PARD3: variants seen among roughly 807,000 people sequenced by gnomAD.
PARD3 encodes the protein par-3 family cell polarity regulator, also known as partitioning defective 3 homolog.
PARD3 carries 75 observed loss-of-function variants against 155.4 expected under a neutral mutation model. That is an observed-to-expected ratio of 0.48 (90% confidence interval 0.40 to 0.58). PARD3 has a LOEUF of 0.58. PARD3 is among the 20% of genes least tolerant of loss of function. The pLI is 0.00. For synonymous variants in PARD3, 576 were observed against 610.5 expected, an observed-to-expected ratio of 0.94 and a Z score of 0.83; for missense variants, 1,642 against 1,721.7, an observed-to-expected ratio of 0.95 and a Z score of 0.82.
intron 1 of PARD3, among the ~76,000 whole-genome samples, chr10:34,804,023 T>A (rs535294543): frequency 1.0e-4 from 15 of 143,810 alleles, no homozygotes; most frequent in Admixed American, 5.7e-4. Flanking sequence ...GGGATCTACT[T>A]GATTTGTTTT....
At chr10:34,352,493 G>A (rs1429670436) in intron 14 of PARD3, among the ~76,000 whole-genome samples, 2 of 152,332 alleles carry the variant, frequency 1.3e-5, no homozygotes, top group African/African-American at 2.4e-5. Flanking sequence ...TTGCAGGCAC[G>A]CGCCGCCACG....
chr10:34,150,192 CCAGTGCTGACCA>C (rs1948712382), intron 22 of PARD3, among the ~76,000 whole-genome samples: 1 of 152,108 alleles, frequency 6.6e-6, no homozygotes, highest in African/African-American at 2.4e-5. Context: ...AACATCTAAT[CCAGTGCTGACCA>C]CAGAAGAGGC....
chr10:34,430,483 T>C (rs2075846379), intron 5 of PARD3, among the ~76,000 whole-genome samples: 1 of 152,146 alleles, frequency 6.6e-6, no homozygotes, highest in South Asian at 2.1e-4. Flanking sequence ...AGAAGAAAAA[T>C]AAATTTTATA....
intron 1 of PARD3, among the ~76,000 whole-genome samples, chr10:34,779,260 C>A (rs952707618): frequency 2.0e-5 from 3 of 151,874 alleles, no homozygotes; most frequent in African/African-American, 7.3e-5. Flanking sequence ...GAGCCAAGAT[C>A]ATGCCACTGC....
intron 2 of PARD3, among the ~76,000 whole-genome samples, chr10:34,555,013 G>A (rs2084876252): frequency 6.6e-6 from 1 of 152,214 alleles, no homozygotes; most frequent in Non-Finnish European, 1.5e-5. Flanking sequence ...TTTTAGGACA[G>A]TGAAACTATA....
At chr10:34,267,716 T>C (rs994672155) in intron 22 of PARD3, among the ~76,000 whole-genome samples, 1 of 152,190 alleles carries the variant, frequency 6.6e-6, no homozygotes, top group African/African-American at 2.4e-5. Context: ...ATGGATGCTA[T>C]GGATGAAGTA....
chr10:34,381,176 TG>T (rs1841782968), intron 9 of PARD3, among the ~76,000 whole-genome samples: 1 of 152,278 alleles, frequency 6.6e-6, no homozygotes, highest in African/African-American at 2.4e-5. Context: ...TTTACAACCT[TG>T]TAAATGCTAC....
At chr10:34,678,867 T>C (rs1247570901) in intron 2 of PARD3, among the ~76,000 whole-genome samples, 2 of 151,582 alleles carry the variant, frequency 1.3e-5, no homozygotes, top group Non-Finnish European at 2.9e-5. Flanking sequence ...CAACCTGCCT[T>C]TTGCTGACTT....
Position 34,673,990 on chromosome 10 carries a change from AAAAAAAAC to A in PARD3, c.222+22320_222+22327del, listed in dbSNP as rs1407893021. ...ACAGAGCGAGAGTCTGCATCAAAAA[AAAAAAAAC>A]AAACAAACAGGAGGAGAGTTCTAAT... On this transcript the variant is annotated intron_variant, in intron 2 of 24. Transcript: ENST00000374788. Among the ~76,000 whole-genome samples the A allele has an allele frequency of 3.3e-5, 5 of 151,828 alleles. No individual in the cohort carries two copies. In the East Asian group the frequency reaches 9.7e-4, roughly 29 times the overall value.
At chr10:34,325,201 G>C (rs1199152232) in intron 19 of PARD3, among the ~76,000 whole-genome samples, 1 of 151,980 alleles carries the variant, frequency 6.6e-6, no homozygotes, top group East Asian at 1.9e-4. Context: ...GTAGAGATGG[G>C]GTCTCGCCAT....
chr10:34,804,646 A>C (rs1160691454), intron 1 of PARD3, among the ~76,000 whole-genome samples: 1 of 152,248 alleles, frequency 6.6e-6, no homozygotes, highest in Non-Finnish European at 1.5e-5. Context: ...TTGTGGTATA[A>C]GAAAATACGT....
chr10:34,690,502 A>C (rs76200555), intron 2 of PARD3, among the ~76,000 whole-genome samples: 2,630 of 152,250 alleles, frequency 0.017, 38 homozygotes, highest in Middle Eastern at 0.048. Context: ...ATAACCCTTC[A>C]GGCCTTACTA....
intron 5 of PARD3, among the ~76,000 whole-genome samples, chr10:34,443,756 T>A (rs1272538875): frequency 6.6e-6 from 1 of 152,138 alleles, no homozygotes; most frequent in Non-Finnish European, 1.5e-5. Context: ...CCACAACATG[T>A]ATCATGTGAA....
In PARD3 at chr10:34,166,626, C is replaced by CT. The variant is rs1321142078; in HGVS notation, c.3420-35044dup. On this transcript the variant is annotated intron_variant, in intron 22 of 24. Coordinates refer to ENST00000374788, the MANE Select transcript of PARD3 (RefSeq NM_001184785.2). The stretch of plus-strand genomic sequence containing the variant: ...CCTGGGTAACAGAGTAAGATCCTGT[C>CT]TAAAAAAAAAAAGAGTTCAGAAAGG... Among the ~76,000 whole-genome samples, 8 of 147,772 alleles carry CT rather than the reference C, an allele frequency of 5.4e-5. No homozygotes were observed. The East Asian group carries it at 1.8e-3, about 33-fold the overall frequency.
At chr10:34,458,692 G>C (rs2077462259) in intron 4 of PARD3, among the ~76,000 whole-genome samples, 1 of 152,098 alleles carries the variant, frequency 6.6e-6, no homozygotes, top group Non-Finnish European at 1.5e-5. Context: ...AAAGAGGTGA[G>C]GAGGAAATAG....
In PARD3 at chr10:34,382,529, A is replaced by G; in HGVS notation, c.1399+11T>C. On this transcript the variant is annotated intron_variant, in intron 9 of 24. Transcript: ENST00000374788. ...AGAAATTCCACAAAACAAAAACAGG[A>G]TAGGTCGTACCTTTCTTAAGCTGGA... 3 of 1,603,336 alleles carry G rather than the reference A, an allele frequency of 1.9e-6. No homozygotes were observed. The highest frequency in any genetic ancestry group is 2.5e-6 in the Non-Finnish European group (3 of 1,177,680).
rs1012867326 is a variant in PARD3 at position 34,642,762 on chromosome 10, T to TTG, written c.222+53554_222+53555dup. On this transcript the variant is annotated intron_variant, in intron 2 of 24. Coordinates refer to ENST00000374788, the MANE Select transcript of PARD3 (RefSeq NM_001184785.2). Reference sequence around the variant, plus strand: ...ATAGCATCTCTCAAATCTGGCCACTTTGCCCTCTTTCCACTGCTGGTCAGA... The same window carrying TTG: ...ATAGCATCTCTCAAATCTGGCCACTTTGTGCCCTCTTTCCACTGCTGGTCAGA... 1.4e-4 allele frequency among the ~76,000 whole-genome samples: 21 copies of TTG among 152,098 alleles called. 1 individual carries two copies. The South Asian group carries it at 3.1e-3, about 23-fold the overall frequency.
chr10:34,264,410 G>A (rs191108157), intron 22 of PARD3, among the ~76,000 whole-genome samples: 683 of 152,296 alleles, frequency 4.5e-3, no homozygotes, highest in Non-Finnish European at 7.1e-3. Context: ...TATTCAGAAC[G>A]GTTTTTGGCT....
chr10:34,703,888 A>C (rs909926532), intron 1 of PARD3, among the ~76,000 whole-genome samples: 1 of 152,200 alleles, frequency 6.6e-6, no homozygotes, highest in Admixed American at 6.5e-5. Context: ...ATACCGGTAA[A>C]GTATGAAGGT....
Sources: gnomAD v4.1 joint callset for allele counts (sites outside exome capture counted in the v4.1 genomes callset) on GRCh38, gnomAD v4.1.1 for gene constraint, MANE v1.5 for transcripts, NCBI Gene and HGNC (gene_info 2026-07-23, HGNC 2026-07-21) for gene names.